The following SDK2 variants were observed in gnomAD, a reference collection of about 807,000 sequenced individuals.
SDK2 encodes the protein protein sidekick-2.
Under a neutral mutation model 253.9 loss-of-function variants are expected in SDK2, and 105 were observed. That is an observed-to-expected ratio of 0.41 (90% CI 0.35 to 0.49). The LOEUF is 0.49. Ranked by LOEUF, SDK2 falls within the 20% of genes least tolerant of loss-of-function variation. The probability of loss-of-function intolerance (pLI) is 0.06; values close to 1 mark genes in which losing one functional copy is unlikely to be tolerated. For synonymous variants in SDK2, 1,249 were observed against 1,234.9 expected, an observed-to-expected ratio of 1.01 and a Z score of -0.24; for missense variants, 2,608 against 3,003.0, an observed-to-expected ratio of 0.87 and a Z score of 3.07.
rs1599729146 is a variant in SDK2 at position 73,616,360 on chromosome 17, C to A, written c.64+27665G>T. On this transcript the variant is annotated intron_variant, in intron 1 of 44. Coordinates refer to ENST00000392650, the MANE Select transcript of SDK2 (RefSeq NM_001144952.2). The surrounding 1 kb of genome is among the most constrained non-coding windows in gnomAD (Gnocchi z 5.2). The stretch of plus-strand genomic sequence containing the variant: ...TCCCCAGCCCCAGCTCAGCATCCCA[C>A]ACACACATGCAGGCTCAGGAAGGAG... Among the ~76,000 whole-genome samples the A allele has an allele frequency of 6.6e-6, 1 of 152,170 alleles. No homozygotes were observed. Among genetic ancestry groups the A allele is most frequent in the East Asian group, 1.9e-4 (1 of 5,166 alleles).
intron 1 of SDK2, among the ~76,000 whole-genome samples, chr17:73,544,297 G>T (rs145046319): frequency 4.6e-4 from 70 of 152,306 alleles, no homozygotes; most frequent in African/African-American, 1.0e-3. Context: ...GATGGGCTGG[G>T]GTCTGCCATG....
intron 1 of SDK2, among the ~76,000 whole-genome samples, chr17:73,544,600 T>C (rs2044926351): frequency 6.6e-6 from 1 of 152,144 alleles, no homozygotes; most frequent in Non-Finnish European, 1.5e-5. Flanking sequence ...ACAGAATGGA[T>C]ACATGGACAG....
In SDK2 at chr17:73,368,492, C is replaced by G; in HGVS notation, c.5082G>C (p.Thr1694=). 1 of 1,610,568 alleles carries G rather than the reference C, an allele frequency of 6.2e-7. No individual in the cohort carries two copies. Among genetic ancestry groups the G allele is most frequent in the Non-Finnish European group, 8.5e-7 (1 of 1,178,708 alleles). ...AGGCGGCCACGCTGACCATGTAGGCCGTGTAGCCAGTCAAGTTCTTGAGCT... is the reference window on the plus strand; with the variant it reads ...AGGCGGCCACGCTGACCATGTAGGCGGTGTAGCCAGTCAAGTTCTTGAGCT... ...SVKLKNLTGY[T]AYMVSVAAFN... Residue 1694 remains threonine, a synonymous_variant, in exon 37 of 45, where the codon ACG becomes ACC. Coordinates refer to ENST00000392650, the MANE Select transcript of SDK2 (RefSeq NM_001144952.2).
intron 18 of SDK2, among the ~76,000 whole-genome samples, chr17:73,406,724 T>TA (rs2063082518): frequency 6.6e-6 from 1 of 152,138 alleles, no homozygotes; most frequent in South Asian, 2.1e-4. Context: ...AAAATTAAAT[T>TA]AAAAAATCAA....
At chr17:73,628,672 G>A (rs550455329) in intron 1 of SDK2, among the ~76,000 whole-genome samples, 40 of 152,358 alleles carry the variant, frequency 2.6e-4, no homozygotes, top group African/African-American at 9.4e-4. Context: ...CTGGGGTCAG[G>A]AGAGCCAGGG....
chr17:73,408,047 C>CTTTTTT lies in SDK2; in HGVS notation c.2485-5912_2485-5907dup, dbSNP rs951934202. The stretch of plus-strand genomic sequence containing the variant: ...CACCATCTAGGAAGTAAAATATTTC[C>CTTTTTT]TTTTTTTTTTTTTTTTTCTTTTGAG... On this transcript the variant is annotated intron_variant, in intron 18 of 44. Coordinates refer to ENST00000392650, the MANE Select transcript of SDK2 (RefSeq NM_001144952.2). 4.0e-3 allele frequency among the ~76,000 whole-genome samples: 266 copies of CTTTTTT among 66,224 alleles called. 14 individuals carry two copies. The East Asian group carries it at 0.053, about 13-fold the overall frequency. 43.4% of individuals were successfully genotyped at this position (66,224 alleles called of 152,430 possible).
intron 44 of SDK2, among the ~76,000 whole-genome samples, chr17:73,339,236 T>C (rs1229883241): frequency 4.8e-5 from 5 of 104,730 alleles, no homozygotes; most frequent in Non-Finnish European, 6.8e-5. Context: ...TTTGTTTTTG[T>C]TTTTTTTTTT....
intron 29 of SDK2, among the ~76,000 whole-genome samples, 195 bp from the exon 30 acceptor site, chr17:73,388,232 C>T (rs2062891096): frequency 6.6e-6 from 1 of 152,294 alleles, no homozygotes; most frequent in South Asian, 2.1e-4. Context: ...TGGTTAGAGG[C>T]CCACCCTCAG....
rs77291830 is a variant in SDK2 at position 73,552,422 on chromosome 17, G to A, written c.65-44825C>T. ...CATGTTAAGGCAGCTTGGCGAGGAC[G>A]CATGACATCTGTGTCACGCATTGAA... On this transcript the variant is annotated intron_variant, in intron 1 of 44. Transcript: ENST00000392650. Among the ~76,000 whole-genome samples, 955 of 152,300 alleles carry A rather than the reference G, an allele frequency of 6.3e-3. 7 individuals are homozygous for A. Among genetic ancestry groups the A allele is most frequent in the South Asian group, 0.03 (145 of 4,828 alleles).
At chr17:73,512,069 T>A (rs1483124449) in intron 1 of SDK2, among the ~76,000 whole-genome samples, 1 of 152,144 alleles carries the variant, frequency 6.6e-6, no homozygotes, top group Non-Finnish European at 1.5e-5. Context: ...CATATCTGTG[T>A]GTATGTGTGT....
Position 73,629,510 on chromosome 17 carries a change from G to A in SDK2, c.64+14515C>T, listed in dbSNP as rs79539708. 8.0e-3 allele frequency among the ~76,000 whole-genome samples: 1,220 copies of A among 152,304 alleles called. 15 individuals are homozygous for A. Among genetic ancestry groups the A allele is most frequent in the African/African-American group, 0.028 (1,181 of 41,550 alleles). ...GATACGACCAAGGTGCGTATTTGCT[G>A]TCTATAATTGCTGCTTGGTATCAGT... is the stretch of plus-strand genomic sequence containing the variant. On this transcript the variant is annotated intron_variant, in intron 1 of 44. Transcript: ENST00000392650. The surrounding 1 kb of genome is among the most constrained non-coding windows in gnomAD (Gnocchi z 5.0).
Position 73,390,271 on chromosome 17 carries a change from C to T in SDK2, c.4192+16G>A, listed in dbSNP as rs1401371633. 1.9e-6 allele frequency: 3 copies of T among 1,548,686 alleles called. No homozygotes were observed. The highest frequency in any genetic ancestry group is 2.4e-5 in the South Asian group (2 of 83,960). On this transcript the variant is annotated intron_variant, in intron 29 of 44. Coordinates refer to ENST00000392650, the MANE Select transcript of SDK2 (RefSeq NM_001144952.2). The stretch of plus-strand genomic sequence containing the variant: ...CAGCTGCCCCCAAGCCTTCCCTGGC[C>T]CCCGTGGGCAGTCACCTCTCTTCTC...
chr17:73,481,771 C>T lies in SDK2; in HGVS notation c.225-9553G>A. Among the ~76,000 whole-genome samples the T allele has an allele frequency of 6.6e-6, 1 of 152,188 alleles. No homozygotes were observed. Among genetic ancestry groups the T allele is most frequent in the Non-Finnish European group, 1.5e-5 (1 of 68,038 alleles). ...CCCGGCCTGCAGACTCTAGGACTTA[C>T]ACCCATGGGCTCTCGGTTTCCAGGC... On this transcript the variant is annotated intron_variant, in intron 2 of 44. Transcript: ENST00000392650. This position sits in a 1 kb window ranked among gnomAD's most constrained non-coding sequence, Gnocchi z 4.5.
At chr17:73,585,753 G>C (rs1352359527) in intron 1 of SDK2, among the ~76,000 whole-genome samples, 1 of 152,186 alleles carries the variant, frequency 6.6e-6, no homozygotes, top group Non-Finnish European at 1.5e-5. Flanking sequence ...CCAACAGAGG[G>C]TGGTAGTGAC....
chr17:73,564,782 G>A (rs139007365), intron 1 of SDK2, among the ~76,000 whole-genome samples: 246 of 151,830 alleles, frequency 1.6e-3, no homozygotes, highest in African/African-American at 3.6e-3. Context: ...CCGAGATCGC[G>A]CCACTGCACT....
intron 1 of SDK2, among the ~76,000 whole-genome samples, chr17:73,617,788 C>T (rs1019521043): frequency 1.3e-5 from 2 of 152,164 alleles, no homozygotes; most frequent in African/African-American, 4.8e-5. Flanking sequence ...CCCAATTCAC[C>T]TCCAGAAAAA....
intron 1 of SDK2, among the ~76,000 whole-genome samples, chr17:73,529,549 A>G (rs2064153218): frequency 6.6e-6 from 1 of 152,210 alleles, no homozygotes; most frequent in Admixed American, 6.5e-5. Flanking sequence ...TTGGAAATAG[A>G]GACCTTGCAG....
chr17:73,472,836 C>T (rs1227592412), intron 2 of SDK2, among the ~76,000 whole-genome samples: 9 of 152,128 alleles, frequency 5.9e-5, no homozygotes, highest in East Asian at 3.8e-4. Context: ...ATAAGTCTCA[C>T]GTGATCTGAT....
chr17:73,587,707 G>C (rs978534909), intron 1 of SDK2, among the ~76,000 whole-genome samples: 13 of 152,180 alleles, frequency 8.5e-5, no homozygotes, highest in Non-Finnish European at 1.8e-4. Flanking sequence ...CAGCGCTCTG[G>C]CAAACAGCCC....
Sources: gnomAD v4.1 joint callset for allele counts (sites outside exome capture counted in the v4.1 genomes callset) on GRCh38, gnomAD v4.1.1 for gene constraint, Gnocchi (gnomAD v3.1) non-coding constraint, MANE v1.5 for transcripts, NCBI Gene and HGNC (gene_info 2026-07-23, HGNC 2026-07-21) for gene names.